The following VGLL4 variants were observed in gnomAD, a reference collection of about 807,000 sequenced individuals.
VGLL4 encodes the protein vestigial like family member 4.
A neutral mutation model predicts 21.0 loss-of-function variants in VGLL4; 7 were observed. The ratio of observed to expected loss-of-function variants is 0.33; its 90% CI spans 0.19 to 0.63. The LOEUF is 0.63. Ranked by LOEUF, VGLL4 falls within the 20% of genes least tolerant of loss-of-function variation. The pLI is 0.78. For missense variants in VGLL4, 394 were observed against 425.7 expected (o/e 0.93, Z 0.66); for synonymous variants, 222 against 173.2 (o/e 1.28, Z -2.21).
chr3:11,713,655 T>C (rs2076881326), intron 1 of VGLL4, among the ~76,000 whole-genome samples: 1 of 150,678 alleles, frequency 6.6e-6, no homozygotes, highest in South Asian at 2.1e-4. Flanking sequence ...GAGCCCCAGA[T>C]CACACCCTTT....
chr3:11,652,567 C>T (rs1458739465), intron 2 of VGLL4, among the ~76,000 whole-genome samples: 3 of 152,116 alleles, frequency 2.0e-5, no homozygotes, highest in African/African-American at 4.8e-5. Context: ...ATAACAGGCA[C>T]GTGCCACCAC....
intron 1 of VGLL4, among the ~76,000 whole-genome samples, chr3:11,631,032 T>C (rs1320488941): frequency 2.0e-5 from 3 of 152,238 alleles, no homozygotes; most frequent in South Asian, 2.1e-4. Context: ...AATTGTGGTA[T>C]ACGCATAAGA....
At chr3:11,673,125 C>T (rs1282053942) in intron 2 of VGLL4, among the ~76,000 whole-genome samples, 3 of 152,076 alleles carry the variant, frequency 2.0e-5, no homozygotes, top group Non-Finnish European at 4.4e-5. Context: ...AATGTCTTCC[C>T]TGCCCTTAAT....
At chr3:11,695,311 G>C (rs2076589462) in intron 2 of VGLL4, among the ~76,000 whole-genome samples, 1 of 151,992 alleles carries the variant, frequency 6.6e-6, no homozygotes, top group South Asian at 2.1e-4. Context: ...GCCTCCCAAA[G>C]TGCTGGGATT....
intron 2 of VGLL4, among the ~76,000 whole-genome samples, chr3:11,569,939 CTT>C (rs1302312818): frequency 6.6e-6 from 1 of 152,216 alleles, no homozygotes; most frequent in South Asian, 2.1e-4. Flanking sequence ...AGAAAACAGA[CTT>C]AATGCCACTG....
At chr3:11,665,850 G>T (rs1484743130) in intron 2 of VGLL4, among the ~76,000 whole-genome samples, 1 of 152,194 alleles carries the variant, frequency 6.6e-6, no homozygotes, top group African/African-American at 2.4e-5. Flanking sequence ...AATAAAGCAG[G>T]AAAGTGCAAG....
intron 1 of VGLL4, among the ~76,000 whole-genome samples, chr3:11,603,426 C>T (rs2074854092): frequency 6.6e-6 from 1 of 152,230 alleles, no homozygotes; most frequent in East Asian, 1.9e-4. Context: ...TTGGCCTATA[C>T]TCCCTATTTA....
chr3:11,569,597 T>C (rs1188025701), intron 2 of VGLL4, among the ~76,000 whole-genome samples: 1 of 152,112 alleles, frequency 6.6e-6, no homozygotes, highest in African/African-American at 2.4e-5. Context: ...GGCCAGTGAG[T>C]GGGCCGGGAC....
chr3:11,691,261 T>C (rs2076523440), intron 2 of VGLL4, among the ~76,000 whole-genome samples: 1 of 150,198 alleles, frequency 6.7e-6, no homozygotes, highest in Non-Finnish European at 1.5e-5. Flanking sequence ...ACCTGACCAA[T>C]CCTGGCAAGA....
In VGLL4 at chr3:11,631,209, G is replaced by A. The variant is rs146994579; in HGVS notation, c.82+12228C>T. Among the ~76,000 whole-genome samples, 758 of 152,286 alleles carry A rather than the reference G, an allele frequency of 5.0e-3. 6 individuals are homozygous for A. The highest frequency in any genetic ancestry group is 6.8e-3 in the Middle Eastern group (2 of 294). Reference sequence around the variant, plus strand: ...CAGTGGTTCTCTTTGGGGGATGTGCGTACTGACTGGTAAGGAAGCTCGAGG... The same window carrying A: ...CAGTGGTTCTCTTTGGGGGATGTGCATACTGACTGGTAAGGAAGCTCGAGG... On this transcript the variant is annotated intron_variant, in intron 1 of 4. Transcript: ENST00000430365.
intron 2 of VGLL4, among the ~76,000 whole-genome samples, chr3:11,675,807 T>C (rs1350257863): frequency 6.6e-6 from 1 of 152,210 alleles, no homozygotes; most frequent in Non-Finnish European, 1.5e-5. Flanking sequence ...AGAGTTGAAA[T>C]ATCCAATTCA....
chr3:11,686,474 C>G (rs2076450617), intron 2 of VGLL4, among the ~76,000 whole-genome samples: 1 of 152,100 alleles, frequency 6.6e-6, no homozygotes, highest in Admixed American at 6.6e-5. Flanking sequence ...TTCCTAGAGA[C>G]AGTGGAGCGG....
At chr3:11,673,439 G>C (rs1038614378) in intron 2 of VGLL4, among the ~76,000 whole-genome samples, 2 of 151,940 alleles carry the variant, frequency 1.3e-5, no homozygotes, top group Non-Finnish European at 1.5e-5. Context: ...GGGGGAAAGG[G>C]GGGGAAGTAG....
At chr3:11,667,930 T>C (rs2076151399) in intron 2 of VGLL4, among the ~76,000 whole-genome samples, 1 of 145,118 alleles carries the variant, frequency 6.9e-6, no homozygotes, top group Non-Finnish European at 1.5e-5. Context: ...CTCAGCTCAC[T>C]GTAACCTCCG....
intron 2 of VGLL4, among the ~76,000 whole-genome samples, chr3:11,585,019 A>AT (rs2074330132): frequency 6.6e-6 from 1 of 152,146 alleles, no homozygotes; most frequent in African/African-American, 2.4e-5. Flanking sequence ...TCACTGCTCC[A>AT]TTAAGGAGTT....
At position 11,677,764 on chromosome 3, in the gene VGLL4, G is replaced by A. The variant is rs2076314317; in HGVS notation, c.64+25207C>T. ...TACTAAAAAACAAAAAATTAGCCAG[G>A]CGTGGTGGCATGCACCTGTAGTCCC... On this transcript the variant is annotated intron_variant, in intron 2 of 5. Transcript: ENST00000273038. Among the ~76,000 whole-genome samples the A allele has an allele frequency of 2.0e-5, 3 of 151,930 alleles. No homozygotes were observed. In the South Asian group the frequency reaches 6.2e-4, roughly 32 times the overall value.
At chr3:11,642,825 C>G (rs1028369598) in intron 1 of VGLL4, among the ~76,000 whole-genome samples, 4 of 152,254 alleles carry the variant, frequency 2.6e-5, no homozygotes, top group Admixed American at 6.5e-5. Flanking sequence ...GAGCGGAGCG[C>G]GAGGAACACC....
Position 11,558,218 on chromosome 3 carries a change from C to A in VGLL4, c.*338G>T. 1 of 376,828 alleles carries A rather than the reference C, an allele frequency of 2.7e-6. No individual in the cohort carries two copies. Among genetic ancestry groups the A allele is most frequent in the Non-Finnish European group, 4.8e-6 (1 of 207,922 alleles). The allele number at this position is 376,828 out of a possible 1,614,324, so 23.3% of individuals were successfully genotyped here. On this transcript the variant is annotated 3_prime_UTR_variant, in exon 5 of 5. Coordinates refer to ENST00000430365, the MANE Select transcript of VGLL4 (RefSeq NM_001128219.3). ...CAAAGCGTCTGAGTCACCAATTCATCATGGCTTGTGACTGAGAAAGCGCTG... is the reference window on the plus strand; with the variant it reads ...CAAAGCGTCTGAGTCACCAATTCATAATGGCTTGTGACTGAGAAAGCGCTG...
intron 1 of VGLL4, among the ~76,000 whole-genome samples, chr3:11,642,064 G>C (rs1460514589): frequency 6.6e-6 from 1 of 151,050 alleles, no homozygotes; most frequent in East Asian, 1.9e-4. Flanking sequence ...TGACTACAAT[G>C]TGTGAATGTC....
Sources: allele counts gnomAD v4.1 joint callset (sites outside exome capture counted in the v4.1 genomes callset), GRCh38; gene constraint gnomAD v4.1.1; transcripts MANE v1.5; gene names NCBI Gene and HGNC (gene_info 2026-07-23, HGNC 2026-07-21).